TEX15: variants seen among roughly 807,000 people sequenced by gnomAD.
TEX15 encodes testis expressed 15, meiosis and synapsis associated.
A neutral mutation model predicts 237.3 loss-of-function variants in TEX15; 171 were observed. The observed-to-expected ratio is 0.72, with a 90% CI of 0.64 to 0.82. The LOEUF is 0.82. Ranked by LOEUF, TEX15 falls within the 40% of genes least tolerant of loss-of-function variation. The probability of loss-of-function intolerance (pLI) is 0.00; values close to 1 mark genes in which losing one functional copy is unlikely to be tolerated. For missense variants in TEX15, 3,750 were observed against 3,646.5 expected (o/e 1.03, Z -0.73); for synonymous variants, 1,338 against 1,269.8 (o/e 1.05, Z -1.14).
intron 1 of TEX15, among the ~76,000 whole-genome samples, chr8:30,900,548 A>G (rs537608543): frequency 1.3e-5 from 2 of 152,386 alleles, no homozygotes; most frequent in Admixed American, 6.5e-5. Context: ...TAGTACATTA[A>G]TAAGAATCTG....
At chr8:30,897,391 A>G (rs1808927447) in intron 2 of TEX15, among the ~76,000 whole-genome samples, 1 of 152,232 alleles carries the variant, frequency 6.6e-6, no homozygotes, top group Non-Finnish European at 1.5e-5. Flanking sequence ...AAAATTGGAT[A>G]GCCTCATTAC....
At position 30,843,864 on chromosome 8, in the gene TEX15, G is replaced by A. The variant is rs147471861; in HGVS notation, c.6303C>T (p.Ser2101=). 6.2e-6 allele frequency: 10 copies of A among 1,612,416 alleles called. No individual in the cohort carries two copies. Among genetic ancestry groups the A allele is most frequent in the Non-Finnish European group, 8.5e-6 (10 of 1,179,324 alleles). ...ACAGTGTTTCATCATACCAAAGCAA[G>A]CTTCGCAATGTTGGTTCACCTTCTA... ...RHLEGEPTLR[S]LLWYDETLYA... is the part of the protein sequence containing the mutation. The change falls in exon 8 of 11, where the codon AGC becomes AGT. Residue 2101 remains serine (S), a synonymous_variant. Transcript: ENST00000643185.
At chr8:30,838,563 A>C (rs1399917411) in intron 9 of TEX15, among the ~76,000 whole-genome samples, 1 of 151,432 alleles carries the variant, frequency 6.6e-6, no homozygotes, top group Non-Finnish European at 1.5e-5. Context: ...AGATCTCCAA[A>C]ATTTCTTGCC....
chr8:30,874,419 A>G (rs549541362), intron 4 of TEX15, among the ~76,000 whole-genome samples: 1 of 152,318 alleles, frequency 6.6e-6, no homozygotes, highest in South Asian at 2.1e-4. Context: ...TATCAAAATG[A>G]CAATAATATG....
intron 1 of TEX15, among the ~76,000 whole-genome samples, chr8:30,908,466 T>C (rs1252988070): frequency 6.6e-6 from 1 of 152,198 alleles, no homozygotes; most frequent in African/African-American, 2.4e-5. Context: ...CTCCTTTACA[T>C]ACAATTCATT....
intron 4 of TEX15, among the ~76,000 whole-genome samples, chr8:30,872,977 A>G (rs1808323617): frequency 6.6e-6 from 1 of 152,192 alleles, no homozygotes; most frequent in African/African-American, 2.4e-5. Context: ...TAATGTCTAC[A>G]GTAGTAACAG....
intron 7 of TEX15, among the ~76,000 whole-genome samples, chr8:30,855,001 A>T (rs1807878227): frequency 6.6e-6 from 1 of 152,196 alleles, no homozygotes; most frequent in African/African-American, 2.4e-5. Context: ...TAAAACTCCT[A>T]CAACGGACAT....
rs137967085 is a variant in TEX15 at position 30,848,557 on chromosome 8, T to C, written c.1610A>G (p.Asn537Ser). 2.0e-4 allele frequency: 327 copies of C among 1,614,102 alleles called. No individual in the cohort carries two copies. The African/African-American group carries it at 3.8e-3, about 19-fold the overall frequency. Residue 537 changes from asparagine (N) to serine (S), a missense_variant, in exon 8 of 11, where the codon AAT becomes AGT. By Grantham distance (46) the Asn-to-Ser change is conservative. Transcript: ENST00000643185. ...TMAGQCKDQG[N>S]FSFPISVSNV... ...TGACACAGAAATTGGGAAGGAAAAA[T>C]TACCTTGGTCCTTACATTGCCCTGC...
intron 3 of TEX15, among the ~76,000 whole-genome samples, chr8:30,877,086 A>T (rs903748162): frequency 2.6e-5 from 4 of 152,202 alleles, no homozygotes; most frequent in South Asian, 4.1e-4. Flanking sequence ...TAAAAAAAAT[A>T]GGACTAATAC....
At position 30,844,492 on chromosome 8, in the gene TEX15, G is replaced by T; in HGVS notation, c.5675C>A (p.Thr1892Asn). The change falls in exon 8 of 11, where the codon ACT becomes AAT. Residue 1892 changes from threonine (T) to asparagine (N), a missense_variant. Coordinates refer to ENST00000643185, the MANE Select transcript of TEX15 (RefSeq NM_001350162.2). ...ESCLNEKIIT[T>N]NLIDSHLSTK... ...GCTCAGATGGGAATCAATCAAGTTA[G>T]TTGTAATAATTTTCTCATTTAAGCA... 6.2e-7 allele frequency: 1 copy of T among 1,613,192 alleles called. No homozygotes were observed. Among genetic ancestry groups the T allele is most frequent in the Non-Finnish European group, 8.5e-7 (1 of 1,179,590 alleles).
At chr8:30,898,377 G>A (rs1002105250) in intron 2 of TEX15, among the ~76,000 whole-genome samples, 1 of 151,980 alleles carries the variant, frequency 6.6e-6, no homozygotes, top group African/African-American at 2.4e-5. Context: ...CTTCCACCAC[G>A]CAATAACACA....
At chr8:30,879,823 A>G (rs1467453212) in intron 3 of TEX15, among the ~76,000 whole-genome samples, 4 of 152,190 alleles carry the variant, frequency 2.6e-5, no homozygotes, top group Admixed American at 2.6e-4. Context: ...GGATTTTGAT[A>G]GGAACTGCAA....
chr8:30,889,938 T>TATATATATATAC (rs1554502289), intron 2 of TEX15, among the ~76,000 whole-genome samples: 49 of 128,114 alleles, frequency 3.8e-4, no homozygotes, highest in Admixed American at 4.9e-4. Flanking sequence ...TATATACATA[T>TATATATATATAC]ATATATATAT....
chr8:30,884,017 C>G (rs1177596089), intron 3 of TEX15, among the ~76,000 whole-genome samples: 6 of 152,158 alleles, frequency 3.9e-5, no homozygotes, highest in African/African-American at 9.7e-5. Context: ...TCCCAAGCAG[C>G]TAGGACTACT....
chr8:30,907,682 A>T (rs1231265994), intron 1 of TEX15, among the ~76,000 whole-genome samples: 2 of 116,122 alleles, frequency 1.7e-5, no homozygotes, highest in African/African-American at 6.0e-5. Flanking sequence ...ATTATATATA[A>T]AATTTTATAT....
At chr8:30,889,701 G>A (rs1189101555) in intron 2 of TEX15, among the ~76,000 whole-genome samples, 1 of 151,890 alleles carries the variant, frequency 6.6e-6, no homozygotes, top group Non-Finnish European at 1.5e-5. Flanking sequence ...TACCTTTTAA[G>A]TAGGAATAAC....
In TEX15 at chr8:30,876,011, G is replaced by A. The variant is rs527894395; in HGVS notation, c.137-909C>T. Among the ~76,000 whole-genome samples the A allele has an allele frequency of 3.3e-5, 5 of 151,822 alleles. No homozygotes were observed. The South Asian group carries it at 8.3e-4, about 25-fold the overall frequency. On this transcript the variant is annotated intron_variant, in intron 3 of 10. Coordinates refer to ENST00000643185, the MANE Select transcript of TEX15 (RefSeq NM_001350162.2). ...TTTTATTTTTTGTAGAGATGGGGTC[G>A]CTATGTTGTCCAAGCTGGTCTCAAA... is the stretch of plus-strand genomic sequence containing the variant.
chr8:30,844,700 C>T lies in TEX15; in HGVS notation c.5467G>A (p.Asp1823Asn). 4 of 1,613,192 alleles carry T rather than the reference C, an allele frequency of 2.5e-6. No homozygotes were observed. The highest frequency in any genetic ancestry group is 3.4e-6 in the Non-Finnish European group (4 of 1,179,562). ...TCTGAAGAGGAGCCTTTTACATTAT[C>T]TTTTAAAAGCAGAGAACTATCACTG... Reference protein sequence around the residue: ...SSSDSSLLLKDNVKGSSSETC... With the variant: ...SSSDSSLLLKNNVKGSSSETC... The change falls in exon 8 of 11, where the codon GAT becomes AAT. Residue 1823 changes from aspartate (D) to asparagine (N), a missense_variant. Asp to Asn is a conservative substitution (Grantham distance 23). Transcript: ENST00000643185.
At chr8:30,910,713 G>A (rs753220493) in intron 1 of TEX15, among the ~76,000 whole-genome samples, 13 of 145,544 alleles carry the variant, frequency 8.9e-5, no homozygotes, top group Non-Finnish European at 1.6e-4. Flanking sequence ...GCCTCCCAAA[G>A]TCCTAGGATT....
Sources: allele counts gnomAD v4.1 joint callset (sites outside exome capture counted in the v4.1 genomes callset), GRCh38; gene constraint gnomAD v4.1.1; transcripts MANE v1.5; gene names NCBI Gene and HGNC (gene_info 2026-07-23, HGNC 2026-07-21).